CADM2: variants seen among roughly 807,000 people sequenced by gnomAD.
CADM2 encodes the protein immunoglobulin superfamily member 4D.
Under a neutral mutation model 49.8 loss-of-function variants are expected in CADM2, and 12 were observed. The observed-to-expected ratio is 0.24, with a 90% confidence interval of 0.15 to 0.39. The LOEUF (loss-of-function observed/expected upper bound fraction) is 0.39. Among genes scored for constraint, CADM2 ranks in the 10% least tolerant of loss-of-function variants. The pLI, the probability that CADM2 is intolerant of heterozygous loss-of-function variation, is 1.00. For synonymous variants in CADM2, 214 were observed against 175.4 expected (o/e 1.22, Z -1.74); for missense variants, 378 against 492.3 (o/e 0.77, Z 2.20).
chr3:85,017,722 A>T (rs1273898691), intron 1 of CADM2, among the ~76,000 whole-genome samples: 1 of 152,224 alleles, frequency 6.6e-6, no homozygotes, highest in Non-Finnish European at 1.5e-5. Context: ...TTGGGAACAT[A>T]ATACATTTCT....
At chr3:85,389,438 C>A (rs1217040495) in intron 1 of CADM2, among the ~76,000 whole-genome samples, 3 of 151,964 alleles carry the variant, frequency 2.0e-5, no homozygotes, top group Non-Finnish European at 2.9e-5. Context: ...TAGGAAGTGG[C>A]CCGTATAGCT....
chr3:85,331,713 G>A (rs968071279), intron 1 of CADM2, among the ~76,000 whole-genome samples: 5 of 151,760 alleles, frequency 3.3e-5, no homozygotes, highest in African/African-American at 7.3e-5. Context: ...CTCCATAATG[G>A]CTGTGATAAT....
intron 1 of CADM2, among the ~76,000 whole-genome samples, chr3:85,381,802 G>T (rs1280791461): frequency 1.3e-5 from 2 of 151,998 alleles, no homozygotes; most frequent in African/African-American, 4.8e-5. Flanking sequence ...AGGGCCTGAT[G>T]TTGTAAGGAT....
intron 1 of CADM2, among the ~76,000 whole-genome samples, chr3:84,975,453 G>T (rs1290022710): frequency 1.3e-5 from 2 of 151,534 alleles, no homozygotes; most frequent in Non-Finnish European, 3.0e-5. Context: ...TAAGGATTTT[G>T]TAATGCCATC....
At chr3:85,749,135 T>C (rs1577221477) in intron 2 of CADM2, among the ~76,000 whole-genome samples, 1 of 151,822 alleles carries the variant, frequency 6.6e-6, no homozygotes, top group South Asian at 2.1e-4. Context: ...ACAGAAAATG[T>C]CAGAACAGGT....
At chr3:85,647,364 C>A (rs1394531262) in intron 1 of CADM2, among the ~76,000 whole-genome samples, 1 of 151,208 alleles carries the variant, frequency 6.6e-6, no homozygotes, top group East Asian at 1.9e-4. Context: ...TTTCTTATAC[C>A]TAGAATGTTG....
chr3:85,263,440 C>T (rs1320657142), intron 1 of CADM2, among the ~76,000 whole-genome samples: 2 of 152,054 alleles, frequency 1.3e-5, no homozygotes, highest in Non-Finnish European at 2.9e-5. Flanking sequence ...GTTTCACATA[C>T]AATATTTATT....
intron 2 of CADM2, among the ~76,000 whole-genome samples, chr3:85,734,107 T>G (rs1434662617): frequency 6.6e-6 from 1 of 152,150 alleles, no homozygotes; most frequent in Non-Finnish European, 1.5e-5. Flanking sequence ...GATGGAATTA[T>G]GGTTACATAT....
chr3:85,353,238 T>G (rs1012076308), intron 1 of CADM2, among the ~76,000 whole-genome samples: 5 of 152,074 alleles, frequency 3.3e-5, no homozygotes, highest in African/African-American at 1.2e-4. Context: ...CTCTTATAAC[T>G]TAAGAGAAAC....
chr3:85,119,025 A>G (rs2038749669), intron 1 of CADM2, among the ~76,000 whole-genome samples: 1 of 152,190 alleles, frequency 6.6e-6, no homozygotes, highest in African/African-American at 2.4e-5. Flanking sequence ...CTGTGATTCC[A>G]AGCTTGAGCC....
intron 1 of CADM2, among the ~76,000 whole-genome samples, chr3:85,707,579 G>GA (rs1396030193): frequency 2.0e-5 from 3 of 151,868 alleles, no homozygotes; most frequent in Non-Finnish European, 4.4e-5. Context: ...TATATTCCCA[G>GA]AAAACAGGAA....
At chr3:85,173,081 G>A (rs1401772495) in intron 1 of CADM2, among the ~76,000 whole-genome samples, 19 of 148,776 alleles carry the variant, frequency 1.3e-4, no homozygotes, top group African/African-American at 4.7e-4. Context: ...TGCAAGCTCC[G>A]CCTCCTGGGT....
At chr3:85,900,501 C>T (rs1041441903) in intron 5 of CADM2, among the ~76,000 whole-genome samples, 6 of 152,020 alleles carry the variant, frequency 3.9e-5, no homozygotes, top group Admixed American at 1.3e-4. Flanking sequence ...AAGAAAATTT[C>T]GGTATGTATA....
At chr3:85,569,880 T>A (rs959028918) in intron 1 of CADM2, among the ~76,000 whole-genome samples, 3 of 152,170 alleles carry the variant, frequency 2.0e-5, no homozygotes, top group Non-Finnish European at 4.4e-5. Flanking sequence ...AAATACATTA[T>A]TCAGTATTTG....
At chr3:85,884,844 C>T (rs1713333435) in intron 4 of CADM2, among the ~76,000 whole-genome samples, 1 of 150,858 alleles carries the variant, frequency 6.6e-6, no homozygotes, top group Non-Finnish European at 1.5e-5. Flanking sequence ...CCTGCCTCAG[C>T]CTTCTGAGTA....
At chr3:85,256,295 C>G (rs2042884026) in intron 1 of CADM2, among the ~76,000 whole-genome samples, 1 of 151,992 alleles carries the variant, frequency 6.6e-6, no homozygotes, top group Non-Finnish European at 1.5e-5. Flanking sequence ...AGTAGCATCT[C>G]CCAACAAGGA....
chr3:85,539,475 A>G (rs2061495461), intron 1 of CADM2, among the ~76,000 whole-genome samples: 1 of 152,042 alleles, frequency 6.6e-6, no homozygotes, highest in Non-Finnish European at 1.5e-5. Context: ...TTCCTTTGCA[A>G]ACATATCCCT....
At chr3:85,432,815 A>G (rs542488753) in intron 1 of CADM2, among the ~76,000 whole-genome samples, 5 of 152,140 alleles carry the variant, frequency 3.3e-5, no homozygotes, top group Non-Finnish European at 7.4e-5. Context: ...ATAAGCAGGT[A>G]TATAAACTAA....
At chr3:85,189,619 A>G (rs2041156350) in intron 1 of CADM2, among the ~76,000 whole-genome samples, 1 of 152,194 alleles carries the variant, frequency 6.6e-6, no homozygotes, top group Admixed American at 6.5e-5. Context: ...TGTTACGCCA[A>G]GATACAATAA....
Sources: gnomAD v4.1 joint callset for allele counts (sites outside exome capture counted in the v4.1 genomes callset) on GRCh38, gnomAD v4.1.1 for gene constraint, MANE v1.5 for transcripts, NCBI Gene and HGNC (gene_info 2026-07-23, HGNC 2026-07-21) for gene names.